The following TACC1 variants were observed in gnomAD, a reference collection of about 807,000 sequenced individuals.
The protein encoded by TACC1 is transforming acidic coiled-coil containing protein 1, also known as transforming acidic coiled-coil-containing protein 1.
In TACC1, 48 loss-of-function variants were observed where a neutral mutation model predicts 84.4. The ratio of observed to expected loss-of-function variants is 0.57; its 90% CI spans 0.45 to 0.72. TACC1 has a LOEUF of 0.72. Among genes scored for constraint, TACC1 ranks in the 30% least tolerant of loss-of-function variants. The pLI is 0.00. For missense variants in TACC1, 920 were observed against 973.0 expected, an observed-to-expected ratio of 0.95 and a Z score of 0.72; for synonymous variants, 372 against 376.3, an observed-to-expected ratio of 0.99 and a Z score of 0.13.
At chr8:38,751,431 G>A (rs1190729533) in intron 3 of TACC1, among the ~76,000 whole-genome samples, 1 of 152,208 alleles carries the variant, frequency 6.6e-6, no homozygotes, top group Non-Finnish European at 1.5e-5. Flanking sequence ...CCTTGGGTAT[G>A]TTTAACCTTA....
Position 38,787,275 on chromosome 8 carries a change from A to G in TACC1, c.-308A>G. The stretch of plus-strand genomic sequence containing the variant: ...GGAGCGGGAGCAGCAGAGGTCTAGC[A>G]GCCGGGCGCCGCGGGCCGGGGGCCT... On this transcript the variant is annotated 5_prime_UTR_variant, in exon 1 of 13. Coordinates refer to ENST00000317827, the MANE Select transcript of TACC1 (RefSeq NM_006283.3). 1 of 1,077,678 alleles carries G rather than the reference A, an allele frequency of 9.3e-7. No individual in the cohort carries two copies. The highest frequency in any genetic ancestry group is 1.1e-6 in the Non-Finnish European group (1 of 889,628). The allele number at this position is 1,077,678 out of a possible 1,614,324, so 66.8% of individuals were successfully genotyped here. A position where few individuals can be genotyped will look rare whatever the true frequency, so the allele number is the denominator to read the frequency against.
At chr8:38,845,997 A>C (rs1832152877) in intron 11 of TACC1, among the ~76,000 whole-genome samples, 1 of 152,100 alleles carries the variant, frequency 6.6e-6, no homozygotes, top group Admixed American at 6.5e-5. Flanking sequence ...TATGGTTTTT[A>C]AGAATGCCTT....
Position 38,852,563 on chromosome 8 carries a change from C to T in TACC1, c.*4540C>T, listed in dbSNP as rs1833237737. The T allele has an allele frequency of 6.6e-6, 1 of 152,666 alleles. No homozygotes were observed. The highest frequency in any genetic ancestry group is 2.4e-5 in the African/African-American group (1 of 41,446). The allele number at this position is 152,666 out of a possible 1,614,324, so 9.5% of individuals were successfully genotyped here. ...GGACATGTACAAATTTGAACTCAAA[C>T]CATCCCCAGTCCAGATACAGGGCAG... On this transcript the variant is annotated 3_prime_UTR_variant, in exon 13 of 13. Transcript: ENST00000317827.
upstream of TACC1, among the ~76,000 whole-genome samples, chr8:38,783,953 G>A (rs867846771): frequency 1.3e-5 from 2 of 152,270 alleles, no homozygotes; most frequent in Middle Eastern, 3.4e-3. Context: ...ATTTGAATGC[G>A]GTCAGATGCT....
chr8:38,850,603 G>A lies in TACC1; in HGVS notation c.*2580G>A, dbSNP rs1832949582. ...GTCCAGGAGTTTGAAACCTACCTAG[G>A]CAACATGGTGAAACCTTGTCTCTAC... On this transcript the variant is annotated 3_prime_UTR_variant, in exon 13 of 13. Transcript: ENST00000317827. 6.6e-6 allele frequency: 1 copy of A among 151,720 alleles called. No individual in the cohort carries two copies. Among genetic ancestry groups the A allele is most frequent in the Admixed American group, 6.6e-5 (1 of 15,210 alleles). 9.4% of individuals were successfully genotyped at this position (151,720 alleles called of 1,614,324 possible). A position where few individuals can be genotyped will look rare whatever the true frequency, so the allele number is the denominator to read the frequency against.
At chr8:38,794,312 A>T (rs188104611) in intron 2 of TACC1, among the ~76,000 whole-genome samples, 22 of 152,188 alleles carry the variant, frequency 1.4e-4, no homozygotes, top group African/African-American at 3.4e-4. Context: ...AATTTTTTTT[A>T]AAAAAATAGT....
At chr8:38,787,201 G>T (rs918233384), upstream of TACC1, 5 of 989,268 alleles carry the variant, frequency 5.1e-6, no homozygotes, top group African/African-American at 1.7e-5. Context: ...CGGCTCCGGC[G>T]GCAGCTGATG....
intron 3 of TACC1, among the ~76,000 whole-genome samples, chr8:38,773,175 A>G (rs1428675593): frequency 6.6e-6 from 1 of 151,880 alleles, no homozygotes; most frequent in Non-Finnish European, 1.5e-5. Context: ...ATTATACAAA[A>G]ATTAGCCTGG....
At chr8:38,773,888 T>A (rs1031741598) in intron 3 of TACC1, among the ~76,000 whole-genome samples, 2 of 152,234 alleles carry the variant, frequency 1.3e-5, no homozygotes, top group African/African-American at 2.4e-5. Flanking sequence ...TAACAGTGGC[T>A]ATTTATGAAA....
chr8:38,782,964 G>A (rs1816325010), upstream of TACC1, among the ~76,000 whole-genome samples: 1 of 152,074 alleles, frequency 6.6e-6, no homozygotes, highest in South Asian at 2.1e-4. Context: ...GAGAACTAAA[G>A]TGAACTTTCT....
At chr8:38,800,425 C>G (rs1587799002) in intron 2 of TACC1, among the ~76,000 whole-genome samples, 1 of 152,262 alleles carries the variant, frequency 6.6e-6, no homozygotes, top group African/African-American at 2.4e-5. Flanking sequence ...CCTCTTCCTT[C>G]CCACCACCAG....
chr8:38,763,093 T>C (rs1225898775), intron 3 of TACC1, among the ~76,000 whole-genome samples: 1 of 152,176 alleles, frequency 6.6e-6, no homozygotes, highest in Non-Finnish European at 1.5e-5. Flanking sequence ...TATTTTCTGT[T>C]GTTGTTTTTA....
At chr8:38,757,237 C>T in intron 3 of TACC1, 1 of 796,906 alleles carries the variant, frequency 1.3e-6, no homozygotes, top group Non-Finnish European at 1.6e-6. Flanking sequence ...TCGCCCCACC[C>T]TTCCTCCCGC....
chr8:38,787,171 A>AG (rs1817376103), upstream of TACC1: 5 of 984,542 alleles, frequency 5.1e-6, no homozygotes, highest in African/African-American at 8.8e-5. Context: ...GTACGGTCCG[A>AG]GGGGGCGGCT....
At chr8:38,815,128 G>C (rs1271902271) in intron 2 of TACC1, among the ~76,000 whole-genome samples, 1 of 152,172 alleles carries the variant, frequency 6.6e-6, no homozygotes, top group African/African-American at 2.4e-5. Context: ...ATCCACTCCT[G>C]CTGGGCGCAC....
At chr8:38,768,660 AGT>A (rs80115733) in intron 3 of TACC1, among the ~76,000 whole-genome samples, 30,326 of 150,278 alleles carry the variant, frequency 0.2, 3,536 homozygotes, top group Non-Finnish European at 0.27. Flanking sequence ...GTGCTTGAGG[AGT>A]GTGTGTGTGT....
intron 1 of TACC1, among the ~76,000 whole-genome samples, chr8:38,731,947 A>C (rs1489995835): frequency 6.6e-6 from 1 of 152,066 alleles, no homozygotes; most frequent in Admixed American, 6.6e-5. Flanking sequence ...CTCCATCTCT[A>C]CTAAAAATGC....
chr8:38,827,303 G>C lies in TACC1; in HGVS notation c.1588G>C (p.Asp530His), dbSNP rs1335131317. Residue 530 changes from aspartate (D) to histidine (H), a missense_variant, in exon 5 of 13, where the codon GAC becomes CAC. Physicochemically the swap from Asp to His is moderately conservative, Grantham distance 81. Transcript: ENST00000317827. ...GAEVKGEPEE[D>H]LEYFECSNVP... ...CGAGGTGAAAGGTGAGCCAGAGGAA[G>C]ACCTGGAGTACTTTGAATGTTCCAA... 9 of 1,614,224 alleles carry C rather than the reference G, an allele frequency of 5.6e-6. No homozygotes were observed. Among genetic ancestry groups the C allele is most frequent in the Non-Finnish European group, 7.6e-6 (9 of 1,180,042 alleles).
rs1433736194 is a variant in TACC1 at position 38,849,416 on chromosome 8, T to C, written c.*1393T>C. The C allele has an allele frequency of 1.3e-5, 2 of 152,196 alleles. No individual in the cohort carries two copies. The highest frequency in any genetic ancestry group is 2.9e-5 in the Non-Finnish European group (2 of 68,032). 9.4% of individuals were successfully genotyped at this position (152,196 alleles called of 1,614,324 possible). On this transcript the variant is annotated 3_prime_UTR_variant, in exon 13 of 13. Coordinates refer to ENST00000317827, the MANE Select transcript of TACC1 (RefSeq NM_006283.3). ...TTTCATTTGAATAGGCAAACCCAAA[T>C]CCATGCAAGTGTTTTAAAGCACTGT... is the stretch of plus-strand genomic sequence containing the variant.
Sources: allele counts gnomAD v4.1 joint callset (sites outside exome capture counted in the v4.1 genomes callset), GRCh38; gene constraint gnomAD v4.1.1; transcripts MANE v1.5; gene names NCBI Gene and HGNC (gene_info 2026-07-23, HGNC 2026-07-21).